Variants in TENM3 observed in about 807,000 individuals in gnomAD.
The protein encoded by TENM3 is teneurin transmembrane protein 3, also known as teneurin-3.
A neutral mutation model predicts 255.1 loss-of-function variants in TENM3; 63 were observed. The ratio of observed to expected loss-of-function variants is 0.25; its 90% CI spans 0.20 to 0.30. The LOEUF is 0.30. TENM3 is among the 10% of genes least tolerant of loss of function. The pLI, the probability that TENM3 is intolerant of heterozygous loss-of-function variation, is 1.00. For missense variants in TENM3, 2,929 were observed against 3,461.1 expected (o/e 0.85, Z 3.86); for synonymous variants, 1,306 against 1,322.3 (o/e 0.99, Z 0.27).
At chr4:182,760,063 C>A (rs1363431737) in intron 22 of TENM3, among the ~76,000 whole-genome samples, 1 of 152,060 alleles carries the variant, frequency 6.6e-6, no homozygotes, top group Non-Finnish European at 1.5e-5. Context: ...ACTGAGTAAA[C>A]CATCTTGGCT....
chr4:181,473,485 A>G, the TENM3 span, among the ~76,000 whole-genome samples: 10 of 152,052 alleles, frequency 6.6e-5, no homozygotes, highest in African/African-American at 2.4e-4. Flanking sequence ...CCAGCTACTC[A>G]GGAGGCTGAG....
At chr4:182,489,591 A>G (rs1735083669) in intron 3 of TENM3, among the ~76,000 whole-genome samples, 1 of 152,206 alleles carries the variant, frequency 6.6e-6, no homozygotes, top group Non-Finnish European at 1.5e-5. Context: ...CATACTGTTG[A>G]AATGATTGAT....
chr4:181,992,445 T>A, the TENM3 span, among the ~76,000 whole-genome samples: 1 of 152,170 alleles, frequency 6.6e-6, no homozygotes, highest in African/African-American at 2.4e-5. Flanking sequence ...AGACCTCCGA[T>A]AACTAGTGGC....
intron 3 of TENM3, among the ~76,000 whole-genome samples, chr4:182,492,108 A>AGAGACAAT (rs570071637): frequency 1.3e-3 from 198 of 152,296 alleles, no homozygotes; most frequent in Non-Finnish European, 2.4e-3. Flanking sequence ...TCTCAAAATA[A>AGAGACAAT]GAGACAATAA....
chr4:182,654,024 T>C, intron 6 of TENM3, 131 bp downstream of exon 6: 2 of 835,828 alleles, frequency 2.4e-6, no homozygotes, highest in East Asian at 3.2e-5. Flanking sequence ...TATCATCTTT[T>C]TATAAGTTTT....
the TENM3 span, among the ~76,000 whole-genome samples, chr4:182,010,134 G>C: frequency 6.6e-6 from 1 of 152,124 alleles, no homozygotes; most frequent in African/African-American, 2.4e-5. Flanking sequence ...GTTGCTTCTA[G>C]TCGGCCATCT....
chr4:182,397,213 A>G (rs962967241), intron 3 of TENM3, among the ~76,000 whole-genome samples: 5 of 145,016 alleles, frequency 3.4e-5, no homozygotes, highest in African/African-American at 1.3e-4. Flanking sequence ...GTAGGGAGAC[A>G]AGTAAGAAGT....
intron 1 of TENM3, among the ~76,000 whole-genome samples, chr4:182,208,916 C>T (rs1329773969): frequency 7.3e-5 from 11 of 151,268 alleles, no homozygotes; most frequent in Admixed American, 1.3e-4. Context: ...CTTTCCATGA[C>T]GTCCTTCAAT....
intron 3 of TENM3, among the ~76,000 whole-genome samples, chr4:182,436,081 G>C (rs1329415592): frequency 6.6e-6 from 1 of 151,816 alleles, no homozygotes; most frequent in African/African-American, 2.4e-5. Context: ...CTTTCTGTTT[G>C]ACTGTGAAGG....
chr4:181,549,121 T>G, the TENM3 span, among the ~76,000 whole-genome samples: 2 of 152,206 alleles, frequency 1.3e-5, no homozygotes, highest in South Asian at 2.1e-4. Flanking sequence ...ACATACACAT[T>G]TCCTTCATCT....
At chr4:182,108,533 T>C in the TENM3 span, among the ~76,000 whole-genome samples, 1 of 152,180 alleles carries the variant, frequency 6.6e-6, no homozygotes, top group Admixed American at 6.5e-5. Context: ...GTTAAGCATC[T>C]ACACTAATCT....
chr4:181,769,941 A>C, the TENM3 span, among the ~76,000 whole-genome samples: 32 of 152,328 alleles, frequency 2.1e-4, 1 homozygote, highest in East Asian at 2.1e-3. Context: ...TTAATAGTTA[A>C]AAATTTGTAC....
At chr4:182,666,491 C>T (rs997321008) in intron 6 of TENM3, among the ~76,000 whole-genome samples, 7 of 152,226 alleles carry the variant, frequency 4.6e-5, no homozygotes, top group South Asian at 2.1e-4. Flanking sequence ...AATCAGCTGC[C>T]GCCTACACTG....
the TENM3 span, among the ~76,000 whole-genome samples, chr4:182,031,106 T>A: frequency 6.6e-6 from 1 of 152,208 alleles, no homozygotes; most frequent in East Asian, 1.9e-4. Flanking sequence ...GCCTTTGACA[T>A]TTATGTCATG....
intron 7 of TENM3, among the ~76,000 whole-genome samples, chr4:182,674,345 A>G (rs1410252778): frequency 6.6e-6 from 1 of 152,114 alleles, no homozygotes; most frequent in Non-Finnish European, 1.5e-5. Context: ...AGATTTCAAC[A>G]TGCTTTTTCT....
At chr4:182,072,192 A>G in the TENM3 span, among the ~76,000 whole-genome samples, 1 of 152,210 alleles carries the variant, frequency 6.6e-6, no homozygotes, top group Non-Finnish European at 1.5e-5. Context: ...ATCAAGGACT[A>G]TCTGGAGTAT....
chr4:181,859,112 C>T, the TENM3 span, among the ~76,000 whole-genome samples: 8 of 151,564 alleles, frequency 5.3e-5, no homozygotes, highest in South Asian at 2.1e-4. Context: ...TTTTTGGCCA[C>T]GCGCCTGTAG....
At chr4:181,962,665 G>A in the TENM3 span, among the ~76,000 whole-genome samples, 3 of 152,122 alleles carry the variant, frequency 2.0e-5, no homozygotes, top group African/African-American at 2.4e-5. Flanking sequence ...TTTTTAAAAA[G>A]ACACACAAAT....
chr4:182,733,015 C>G (rs1166397213), intron 16 of TENM3, among the ~76,000 whole-genome samples: 3 of 152,170 alleles, frequency 2.0e-5, no homozygotes, highest in Non-Finnish European at 4.4e-5. Context: ...AGTACCTGCT[C>G]TAACTGAGCT....
Sources: gnomAD v4.1 joint callset for allele counts (sites outside exome capture counted in the v4.1 genomes callset) on GRCh38, gnomAD v4.1.1 for gene constraint, MANE v1.5 for transcripts, NCBI Gene and HGNC (gene_info 2026-07-23, HGNC 2026-07-21) for gene names.